The following RFX2 variants were observed in gnomAD, a reference collection of about 807,000 sequenced individuals.
The protein encoded by RFX2 is regulatory factor X2, also known as DNA-binding protein RFX2.
A neutral mutation model predicts 87.8 loss-of-function variants in RFX2; 20 were observed. The observed-to-expected ratio is 0.23, with a 90% CI of 0.16 to 0.33. The LOEUF is 0.33. Among genes scored for constraint, RFX2 ranks in the 10% least tolerant of loss-of-function variants. The probability of loss-of-function intolerance (pLI) is 1.00; values close to 1 mark genes in which losing one functional copy is unlikely to be tolerated. For missense variants in RFX2, 767 were observed against 1,012.3 expected (o/e 0.76, Z 3.29); for synonymous variants, 397 against 431.3 (o/e 0.92, Z 0.98).
rs555689194 is a variant in RFX2 at position 6,013,360 on chromosome 19, A to G, written c.780-255T>C. On this transcript the variant is annotated intron_variant, in intron 7 of 17. Coordinates refer to ENST00000303657, the MANE Select transcript of RFX2 (RefSeq NM_000635.4). The surrounding 1 kb of genome is among the most constrained non-coding windows in gnomAD (Gnocchi z 4.1). Reference sequence around the variant, plus strand: ...GCCATAATGCCTAGCTTATTTTTGTATTTTTAGTGGAGACGGGGTTTTGCC... The same window carrying G: ...GCCATAATGCCTAGCTTATTTTTGTGTTTTTAGTGGAGACGGGGTTTTGCC... Among the ~76,000 whole-genome samples, 1 of 151,248 alleles carries G rather than the reference A, an allele frequency of 6.6e-6. No homozygotes were observed. The highest frequency in any genetic ancestry group is 2.1e-4 in the South Asian group (1 of 4,792).
At chr19:6,033,678 C>T (rs1461039898) in intron 5 of RFX2, among the ~76,000 whole-genome samples, 3 of 144,522 alleles carry the variant, frequency 2.1e-5, no homozygotes, top group Non-Finnish European at 4.5e-5. Context: ...GGATCACACA[C>T]TTGCCAGAAC....
At chr19:6,003,777 T>TAAA (rs1318446976) in intron 13 of RFX2, among the ~76,000 whole-genome samples, 1 of 32,836 alleles carries the variant, frequency 3.0e-5, no homozygotes, top group African/African-American at 1.5e-4. Context: ...AGACTCTGTC[T>TAAA]CAAAAAAAAA....
chr19:6,067,261 G>T (rs895828374), intron 1 of RFX2, among the ~76,000 whole-genome samples: 2 of 152,238 alleles, frequency 1.3e-5, no homozygotes, highest in African/African-American at 4.8e-5. Flanking sequence ...TTGGAAAAAA[G>T]TGTGAAAACA....
At position 6,026,579 on chromosome 19, in the gene RFX2, T is replaced by A. The variant is rs2086891094; in HGVS notation, c.523-342A>T. 1 of 326,784 alleles carries A rather than the reference T, an allele frequency of 3.1e-6. No homozygotes were observed. The highest frequency in any genetic ancestry group is 2.2e-5 in the African/African-American group (1 of 45,200). 20.2% of individuals were successfully genotyped at this position (326,784 alleles called of 1,614,324 possible). A position where few individuals can be genotyped will look rare whatever the true frequency, so the allele number is the denominator to read the frequency against. The stretch of plus-strand genomic sequence containing the variant: ...TATGCAGCCACTGCATCCATTCCAG[T>A]GTCAGCCAAGCCAGCATCATAGTCA... On this transcript the variant is annotated intron_variant, in intron 5 of 17. Transcript: ENST00000303657. The surrounding 1 kb of genome is among the most constrained non-coding windows in gnomAD (Gnocchi z 4.5).
At chr19:6,070,737 T>C (rs545258884) in intron 1 of RFX2, among the ~76,000 whole-genome samples, 57 of 152,334 alleles carry the variant, frequency 3.7e-4, no homozygotes, top group African/African-American at 1.3e-3. Context: ...GGTCTTGCTC[T>C]GTCACCCAGG....
chr19:6,092,065 A>C (rs189782159), intron 1 of RFX2, among the ~76,000 whole-genome samples: 350 of 152,352 alleles, frequency 2.3e-3, no homozygotes, highest in Non-Finnish European at 3.7e-3. Flanking sequence ...ATCTTAAAGG[A>C]TGTTAAAAAA....
rs1311261888 is a variant in RFX2, at chr19:6,101,988, G to A, written c.-9+8405C>T. ...GAAGGAAATTCTGATGCATGCTACAGCATGGATAAGCCTTGAAGACATTGT... is the reference window on the plus strand; with the variant it reads ...GAAGGAAATTCTGATGCATGCTACAACATGGATAAGCCTTGAAGACATTGT... On this transcript the variant is annotated intron_variant, in intron 1 of 17. Coordinates refer to ENST00000303657, the MANE Select transcript of RFX2 (RefSeq NM_000635.4). The surrounding 1 kb of genome is among the most constrained non-coding windows in gnomAD (Gnocchi z 4.9). Among the ~76,000 whole-genome samples, 1 of 152,224 alleles carries A rather than the reference G, an allele frequency of 6.6e-6. No individual in the cohort carries two copies. The highest frequency in any genetic ancestry group is 1.5e-5 in the Non-Finnish European group (1 of 68,036).
intron 7 of RFX2, among the ~76,000 whole-genome samples, chr19:6,015,008 G>A (rs1194724764): frequency 6.6e-6 from 1 of 152,214 alleles, no homozygotes; most frequent in Non-Finnish European, 1.5e-5. Context: ...TTGGGTTGGA[G>A]GTGCTGCTGT....
Position 6,001,731 on chromosome 19 carries a change from A to G in RFX2, c.1859+84T>C. ...CTGAGCCCTGTTTTGCTCTGAGCTCACCAGCCGAGCCCCCTACCCTCTAGA... is the reference window on the plus strand; with the variant it reads ...CTGAGCCCTGTTTTGCTCTGAGCTCGCCAGCCGAGCCCCCTACCCTCTAGA... On this transcript the variant is annotated intron_variant, in intron 15 of 17. Transcript: ENST00000303657. This position sits in a 1 kb window ranked among gnomAD's most constrained non-coding sequence, Gnocchi z 5.6. The G allele has an allele frequency of 4.0e-6, 5 of 1,251,374 alleles. No individual in the cohort carries two copies. Among genetic ancestry groups the G allele is most frequent in the Non-Finnish European group, 5.5e-6 (5 of 905,588 alleles). The allele number at this position is 1,251,374 out of a possible 1,614,324, so 77.5% of individuals were successfully genotyped here.
Position 6,056,784 on chromosome 19 carries a change from G to C in RFX2, c.-8-9280C>G, listed in dbSNP as rs1481540015. Reference sequence around the variant, plus strand: ...TGTCCTCTCTTCTGTTTTTCTTCCTGTGGCGAGGACCTGGGCAGTCTTACT... The same window carrying C: ...TGTCCTCTCTTCTGTTTTTCTTCCTCTGGCGAGGACCTGGGCAGTCTTACT... On this transcript the variant is annotated intron_variant, in intron 1 of 17. Transcript: ENST00000303657. This position sits in a 1 kb window ranked among gnomAD's most constrained non-coding sequence, Gnocchi z 4.6. Among the ~76,000 whole-genome samples, 1 of 152,180 alleles carries C rather than the reference G, an allele frequency of 6.6e-6. No individual in the cohort carries two copies. Among genetic ancestry groups the C allele is most frequent in the African/African-American group, 2.4e-5 (1 of 41,432 alleles).
At chr19:5,996,085 C>T (rs947456222) in intron 16 of RFX2, among the ~76,000 whole-genome samples, 2 of 152,218 alleles carry the variant, frequency 1.3e-5, no homozygotes, top group African/African-American at 4.8e-5. Flanking sequence ...GTACACGTTG[C>T]GGGGCCCTGG....
chr19:6,073,070 TC>T (rs2087632383), intron 1 of RFX2: 1 of 457,590 alleles, frequency 2.2e-6, no homozygotes. Flanking sequence ...ACCTCCGCCT[TC>T]CGGGTTGAAG....
chr19:6,034,646 G>T (rs999654726), intron 5 of RFX2, among the ~76,000 whole-genome samples: 1 of 152,184 alleles, frequency 6.6e-6, no homozygotes, highest in Non-Finnish European at 1.5e-5. Context: ...ACAGGCATGA[G>T]CCACTGTGCC....
chr19:6,088,130 T>G (rs891439623), intron 1 of RFX2, among the ~76,000 whole-genome samples: 7 of 150,612 alleles, frequency 4.6e-5, no homozygotes, highest in African/African-American at 9.8e-5. Flanking sequence ...CAGCCCAGAG[T>G]GCTGCTCTAA....
chr19:6,081,006 A>G (rs1197248814), intron 1 of RFX2, among the ~76,000 whole-genome samples: 1 of 149,892 alleles, frequency 6.7e-6, no homozygotes, highest in Admixed American at 6.7e-5. Context: ...ATTGCATACC[A>G]GCCTGGGCAA....
At chr19:6,092,667 C>T (rs1309349232) in intron 1 of RFX2, among the ~76,000 whole-genome samples, 1 of 142,278 alleles carries the variant, frequency 7.0e-6, no homozygotes, top group Non-Finnish European at 1.5e-5. Flanking sequence ...GTCAGTCACA[C>T]GTGGACTGTA....
chr19:6,064,438 G>A lies in RFX2; in HGVS notation c.-8-16934C>T, dbSNP rs12610477. 0.023 allele frequency among the ~76,000 whole-genome samples: 3,504 copies of A among 152,330 alleles called. 336 individuals carry two copies. The highest frequency in any genetic ancestry group is 0.17 in the Admixed American group (2,638 of 15,300). ...ATGTGCCAGTGAAAACCTGGCATGC[G>A]GAGGCCTCACCTCACTCACCCTCTC... is the stretch of plus-strand genomic sequence containing the variant. On this transcript the variant is annotated intron_variant, in intron 1 of 17. Coordinates refer to ENST00000303657, the MANE Select transcript of RFX2 (RefSeq NM_000635.4). The surrounding 1 kb of genome is among the most constrained non-coding windows in gnomAD (Gnocchi z 4.8).
At chr19:6,109,961 T>A (rs868066307) in intron 1 of RFX2, among the ~76,000 whole-genome samples, 12 of 148,564 alleles carry the variant, frequency 8.1e-5, no homozygotes, top group Admixed American at 8.0e-4. Flanking sequence ...AAAAGAGGGG[T>A]CCTTGGGTGC....
chr19:6,046,068 G>A (rs189733584), intron 2 of RFX2, among the ~76,000 whole-genome samples: 1 of 152,176 alleles, frequency 6.6e-6, no homozygotes, highest in East Asian at 1.9e-4. Context: ...GTGGTCACAC[G>A]GCCACAGTGG....
Sources: allele counts gnomAD v4.1 joint callset (sites outside exome capture counted in the v4.1 genomes callset), GRCh38; gene constraint gnomAD v4.1.1; non-coding constraint Gnocchi (gnomAD v3.1); transcripts MANE v1.5; gene names NCBI Gene and HGNC (gene_info 2026-07-23, HGNC 2026-07-21).